Variants in KIF1C observed in about 807,000 individuals in gnomAD.
KIF1C encodes kinesin-like protein KIF1C.
A neutral mutation model predicts 126.5 loss-of-function variants in KIF1C; 61 were observed. That is an observed-to-expected ratio of 0.48 (90% CI 0.39 to 0.60). The LOEUF (loss-of-function observed/expected upper bound fraction) is 0.60, where lower values mean the gene tolerates loss of function less well. KIF1C is among the 20% of genes least tolerant of loss of function. The pLI is 0.00. For missense variants in KIF1C, 1,315 were observed against 1,489.2 expected (o/e 0.88, Z 1.93); for synonymous variants, 640 against 580.6 (o/e 1.10, Z -1.47).
chr17:5,000,926 A>G, intron 4 of KIF1C, 78 bp downstream of exon 4: 1 of 1,388,506 alleles, frequency 7.2e-7, no homozygotes, highest in Non-Finnish European at 1.0e-6. Flanking sequence ...CATGTTAAGA[A>G]ATAGGACCCC....
intron 1 of KIF1C, among the ~76,000 whole-genome samples, chr17:4,999,391 C>T (rs887159803): frequency 2.0e-5 from 3 of 152,268 alleles, no homozygotes; most frequent in South Asian, 2.1e-4. Flanking sequence ...TGTGCTTTGG[C>T]GCCGGAGTTC....
intron 6 of KIF1C, 139 bp from the exon 7 acceptor site, chr17:5,002,325 C>G (rs1430019001): frequency 5.2e-6 from 5 of 965,366 alleles, no homozygotes; most frequent in Non-Finnish European, 7.9e-6. Flanking sequence ...TTGGGCAGGT[C>G]GCTGAGCTAG....
In KIF1C at chr17:5,002,091, G is replaced by A. The variant is rs1053167100; in HGVS notation, c.396G>A (p.Glu132=). The change falls in exon 6 of 23, where the codon GAG becomes GAA. Residue 132 remains glutamate, a synonymous_variant. Coordinates refer to ENST00000320785, the MANE Select transcript of KIF1C (RefSeq NM_006612.6). ...LCEDLFSRVS[E]NQSAQLSYSV... ...AGGACCTCTTCTCTCGCGTTAGTGAGAACCAGAGTGCTCAGCTATCCTACT... is the reference window on the plus strand; with the variant it reads ...AGGACCTCTTCTCTCGCGTTAGTGAAAACCAGAGTGCTCAGCTATCCTACT... 10 of 1,614,032 alleles carry A rather than the reference G, an allele frequency of 6.2e-6. No homozygotes were observed. In the African/African-American group the frequency reaches 1.3e-4, roughly 22 times the overall value.
In KIF1C at chr17:4,997,987, C is replaced by A. The variant is rs979010082; in HGVS notation, c.-318C>A. The A allele has an allele frequency of 6.8e-6, 1 of 146,534 alleles. No individual in the cohort carries two copies. The highest frequency in any genetic ancestry group is 1.5e-5 in the Non-Finnish European group (1 of 66,082). The allele number at this position is 146,534 out of a possible 1,614,324, so 9.1% of individuals were successfully genotyped here. On this transcript the variant is annotated 5_prime_UTR_variant, in exon 1 of 23. Transcript: ENST00000320785. ...CCGGGCGGGCGCCGGCCGCTGGCGC[C>A]GCTACTGCTGCCGCCCCCGGGGCGC...
chr17:5,020,676 G>T lies in KIF1C; in HGVS notation c.1935G>T (p.Lys645Asn). The change falls in exon 20 of 23, where the codon AAG becomes AAT. Residue 645 changes from lysine to asparagine, a missense_variant and splice_region_variant. Coordinates refer to ENST00000320785, the MANE Select transcript of KIF1C (RefSeq NM_006612.6). The surrounding 1 kb of genome is among the most constrained non-coding windows in gnomAD (Gnocchi z 5.8). ...QGIDIKLEME[K>N]RLQDLENQYR... ...TCGACATAAAGCTGGAAATGGAGAA[G>T]AGGTGCGAGGGGGTTACCCACGTGC... The T allele has an allele frequency of 3.1e-6, 5 of 1,613,672 alleles. 1 individual carries two copies. Among genetic ancestry groups the T allele is most frequent in the Non-Finnish European group, 4.2e-6 (5 of 1,179,630 alleles).
intron 13 of KIF1C, among the ~76,000 whole-genome samples, chr17:5,005,565 C>T (rs1024352890): frequency 7.9e-5 from 12 of 152,006 alleles, no homozygotes; most frequent in African/African-American, 2.9e-4. Flanking sequence ...TATGAGTGTT[C>T]TTGGAAAGAG....
At position 5,023,906 on chromosome 17, in the gene KIF1C, C is replaced by A; in HGVS notation, c.3067C>A (p.Pro1023Thr). The A allele has an allele frequency of 6.4e-7, 1 of 1,556,082 alleles. No individual in the cohort carries two copies. Among genetic ancestry groups the A allele is most frequent in the Non-Finnish European group, 8.7e-7 (1 of 1,150,660 alleles). Residue 1023 changes from proline (P) to threonine (T), a missense_variant, in exon 23 of 23, where the codon CCC becomes ACC. Coordinates refer to ENST00000320785, the MANE Select transcript of KIF1C (RefSeq NM_006612.6). This position sits in a 1 kb window ranked among gnomAD's most constrained non-coding sequence, Gnocchi z 4.2. ...CACCCCTGCCCGCCGGCCTCCGAGTCCCCGAAGGTCCCACCATCCCCGCAG... is the reference window on the plus strand; with the variant it reads ...CACCCCTGCCCGCCGGCCTCCGAGTACCCGAAGGTCCCACCATCCCCGCAG... ...PATPARRPPS[P>T]RRSHHPRRNS...
In KIF1C at chr17:5,023,101, G is replaced by A. The variant is rs1175433444; in HGVS notation, c.2629-367G>A. Among the ~76,000 whole-genome samples the A allele has an allele frequency of 1.3e-5, 2 of 152,126 alleles. No individual in the cohort carries two copies. Among genetic ancestry groups the A allele is most frequent in the Admixed American group, 6.5e-5 (1 of 15,272 alleles). ...ACAATCTCGGCTCACTGCAACTTCC[G>A]CCTCCCAGGTTCAAGCCATTCTCCT... is the stretch of plus-strand genomic sequence containing the variant. On this transcript the variant is annotated intron_variant, in intron 22 of 22. Coordinates refer to ENST00000320785, the MANE Select transcript of KIF1C (RefSeq NM_006612.6). This position sits in a 1 kb window ranked among gnomAD's most constrained non-coding sequence, Gnocchi z 4.2.
chr17:5,021,106 G>C (rs984916676), intron 21 of KIF1C, among the ~76,000 whole-genome samples: 3 of 151,208 alleles, frequency 2.0e-5, no homozygotes, highest in African/African-American at 7.3e-5. Flanking sequence ...CCAGTTTCTC[G>C]TGCCAAGTTT....
At chr17:5,003,038 C>T (rs79714052) in intron 8 of KIF1C, among the ~76,000 whole-genome samples, 196 bp downstream of exon 8, 5 of 140,334 alleles carry the variant, frequency 3.6e-5, no homozygotes, top group African/African-American at 7.9e-5. Flanking sequence ...GTTTGCTTGT[C>T]TTTTTTTTTT....
At position 5,020,909 on chromosome 17, in the gene KIF1C, G is replaced by C; in HGVS notation, c.2010+31G>C. ...GGGCAGCAGGGGCTGGGGATGGGCT[G>C]ATGGGCAGATGAGCCGCAAGCCTGA... On this transcript the variant is annotated intron_variant, in intron 21 of 22. Coordinates refer to ENST00000320785, the MANE Select transcript of KIF1C (RefSeq NM_006612.6). This position sits in a 1 kb window ranked among gnomAD's most constrained non-coding sequence, Gnocchi z 5.8. 1 of 1,544,788 alleles carries C rather than the reference G, an allele frequency of 6.5e-7. No homozygotes were observed. Among genetic ancestry groups the C allele is most frequent in the South Asian group, 1.2e-5 (1 of 84,394 alleles).
chr17:5,017,765 T>C (rs923609537), intron 18 of KIF1C, among the ~76,000 whole-genome samples: 1 of 151,736 alleles, frequency 6.6e-6, no homozygotes, highest in Non-Finnish European at 1.5e-5. Context: ...GAACTGAGGC[T>C]CTCGGGGGTT....
intron 3 of KIF1C, 85 bp from the exon 4 acceptor site, chr17:5,000,687 G>A (rs1974565725): frequency 8.2e-7 from 1 of 1,222,092 alleles, no homozygotes; most frequent in African/African-American, 1.5e-5. Flanking sequence ...GGGATGCTTG[G>A]ATTCCAGGGG....
At position 5,023,540 on chromosome 17, in the gene KIF1C, G is replaced by A. The variant is rs751072487; in HGVS notation, c.2701G>A (p.Glu901Lys). ...GCCTGAAGGATCAGAGGCAGCAGAG[G>A]AGGCAGCCCCCAGTGACCGCATGCC... ...APPEGSEAAE[E>K]AAPSDRMPSA... Residue 901 changes from glutamate to lysine, a missense_variant, in exon 23 of 23, where the codon GAG becomes AAG. Coordinates refer to ENST00000320785, the MANE Select transcript of KIF1C (RefSeq NM_006612.6). This position sits in a 1 kb window ranked among gnomAD's most constrained non-coding sequence, Gnocchi z 4.2. The A allele has an allele frequency of 1.9e-6, 3 of 1,613,670 alleles. No individual in the cohort carries two copies. In the African/African-American group the frequency reaches 4.0e-5, roughly 22 times the overall value.
intron 16 of KIF1C, among the ~76,000 whole-genome samples, chr17:5,010,904 G>A (rs75646576): frequency 2.7e-5 from 4 of 150,732 alleles, no homozygotes; most frequent in East Asian, 4.0e-4. Context: ...TCCGCCTCCC[G>A]GGTTCACGCC....
intron 21 of KIF1C, among the ~76,000 whole-genome samples, chr17:5,021,169 G>T (rs1357080592): frequency 1.0e-4 from 8 of 77,398 alleles, no homozygotes; most frequent in South Asian, 5.0e-4. Flanking sequence ...GATTGTTGTG[G>T]TTTTTTTTTT....
chr17:5,023,808 C>T lies in KIF1C; in HGVS notation c.2969C>T (p.Ser990Phe), dbSNP rs1382332110. 6.6e-7 allele frequency: 1 copy of T among 1,518,886 alleles called. No individual in the cohort carries two copies. The allele number at this position is 1,518,886 out of a possible 1,614,324, so 94.1% of individuals were successfully genotyped here. ...AAGAGCAACCCCCAGCACCGGGAGT[C>T]TTGGCCAGGGATGGGGAGCGGGGAG... ...PFKSNPQHRE[S>F]WPGMGSGEAP... The change falls in exon 23 of 23, where the codon TCT (serine) becomes TTT (phenylalanine). Residue 990 changes from serine to phenylalanine, a missense_variant. Physicochemically the swap from Ser to Phe is radical, Grantham distance 155. Transcript: ENST00000320785. This position sits in a 1 kb window ranked among gnomAD's most constrained non-coding sequence, Gnocchi z 4.2.
intron 18 of KIF1C, among the ~76,000 whole-genome samples, chr17:5,016,304 ATTTT>A (rs905034543): frequency 2.0e-5 from 3 of 150,982 alleles, no homozygotes; most frequent in African/African-American, 7.3e-5. Context: ...CACCCGGCTA[ATTTT>A]GTATTTTTAG....
intron 6 of KIF1C, 25 bp from the exon 7 acceptor site, chr17:5,002,439 C>T (rs1404373568): frequency 8.3e-6 from 13 of 1,562,304 alleles, no homozygotes; most frequent in South Asian, 2.4e-5. Context: ...AGTTTTGTTA[C>T]TTCTCATTTG....
Sources: gnomAD v4.1 joint callset for allele counts (sites outside exome capture counted in the v4.1 genomes callset) on GRCh38, gnomAD v4.1.1 for gene constraint, Gnocchi (gnomAD v3.1) non-coding constraint, MANE v1.5 for transcripts, NCBI Gene and HGNC (gene_info 2026-07-23, HGNC 2026-07-21) for gene names.